ANXA8: variants seen among roughly 807,000 people sequenced by gnomAD.
The protein encoded by ANXA8 is annexin A8, also known as VAC-beta.
ANXA8 carries 9 observed loss-of-function variants against 26.8 expected under a neutral mutation model. The ratio of observed to expected loss-of-function variants is 0.34; its 90% CI spans 0.20 to 0.59. ANXA8 has a LOEUF of 0.59. Among genes scored for constraint, ANXA8 ranks in the 20% least tolerant of loss-of-function variants. The pLI is 0.84. For missense variants in ANXA8, 83 were observed against 238.5 expected, an observed-to-expected ratio of 0.35 and a Z score of 4.29; for synonymous variants, 39 against 94.8, an observed-to-expected ratio of 0.41 and a Z score of 3.42.
chr10:47,740,913 G>T, the ANXA8 span, among the ~76,000 whole-genome samples: 1 of 151,408 alleles, frequency 6.6e-6, no homozygotes, highest in Non-Finnish European at 1.5e-5. Flanking sequence ...TATTTAACTT[G>T]AGAAGAATCT....
At chr10:47,982,424 A>G in the ANXA8 span, among the ~76,000 whole-genome samples, 990 of 150,502 alleles carry the variant, frequency 6.6e-3, 1 homozygote, top group African/African-American at 0.023. Flanking sequence ...CTTCACATTT[A>G]TGGTTAACTG....
the ANXA8 span, among the ~76,000 whole-genome samples, chr10:47,696,992 C>A: frequency 2.3e-4 from 35 of 151,638 alleles, 1 homozygote; most frequent in Admixed American, 3.3e-4. Context: ...CTCCTGTCTA[C>A]CACTGCTAAG....
the ANXA8 span, among the ~76,000 whole-genome samples, chr10:47,960,549 G>T: frequency 6.7e-6 from 1 of 149,896 alleles, no homozygotes; most frequent in Non-Finnish European, 1.5e-5. Flanking sequence ...CTAAGAAGCT[G>T]GGGCAAGAGT....
chr10:47,748,433 A>G, the ANXA8 span, among the ~76,000 whole-genome samples: 1 of 151,818 alleles, frequency 6.6e-6, no homozygotes, highest in Non-Finnish European at 1.5e-5. Context: ...GGTTGGTCTC[A>G]AACTTCTGAC....
chr10:47,495,204 CA>C, the ANXA8 span, among the ~76,000 whole-genome samples: 3 of 148,764 alleles, frequency 2.0e-5, no homozygotes, highest in African/African-American at 7.6e-5. Context: ...AACAGAGAAA[CA>C]GAGAATTCCA....
At chr10:47,733,241 T>C in the ANXA8 span, among the ~76,000 whole-genome samples, 781 of 64,726 alleles carry the variant, frequency 0.012, 5 homozygotes, top group East Asian at 0.026. Context: ...CTCTCTTTCT[T>C]TCTTTCTTTC....
the ANXA8 span, among the ~76,000 whole-genome samples, chr10:47,688,088 C>A: frequency 1.5e-4 from 22 of 150,268 alleles, no homozygotes; most frequent in African/African-American, 5.4e-4. Context: ...GTGACAAGAG[C>A]AAAACTCTGT....
At chr10:47,736,926 A>G in the ANXA8 span, among the ~76,000 whole-genome samples, 1 of 151,818 alleles carries the variant, frequency 6.6e-6, no homozygotes, top group Admixed American at 6.6e-5. Context: ...AAGTACTGAG[A>G]CTACAGGTGT....
the ANXA8 span, among the ~76,000 whole-genome samples, chr10:47,674,541 T>C: frequency 1.3e-5 from 2 of 151,638 alleles, no homozygotes; most frequent in Non-Finnish European, 2.9e-5. Context: ...ATTTCTTTAC[T>C]ACAAAGTTAC....
At chr10:47,587,669 A>G in the ANXA8 span, among the ~76,000 whole-genome samples, 1 of 146,862 alleles carries the variant, frequency 6.8e-6, no homozygotes, top group South Asian at 2.1e-4. Flanking sequence ...TATCTTTCTT[A>G]CCTAATACAT....
At chr10:47,620,813 T>C in the ANXA8 span, among the ~76,000 whole-genome samples, 1 of 108,594 alleles carries the variant, frequency 9.2e-6, no homozygotes. Context: ...AGGTTTCCTG[T>C]TATCCACTCA....
chr10:47,778,046 C>A, the ANXA8 span, among the ~76,000 whole-genome samples: 2 of 152,018 alleles, frequency 1.3e-5, no homozygotes, highest in African/African-American at 4.8e-5. Flanking sequence ...GTAACACATG[C>A]CCCTTAAAAT....
chr10:47,720,203 A>G, the ANXA8 span: 15 of 951,820 alleles, frequency 1.6e-5, no homozygotes, highest in Non-Finnish European at 2.2e-5. Flanking sequence ...ATAGATAGCT[A>G]TTTATGGTAG....
chr10:47,617,382 C>G, the ANXA8 span, among the ~76,000 whole-genome samples: 4 of 147,242 alleles, frequency 2.7e-5, no homozygotes, highest in Non-Finnish European at 6.0e-5. Context: ...TGAGGCATAG[C>G]TGTCTGTTCC....
the ANXA8 span, among the ~76,000 whole-genome samples, chr10:47,552,758 G>C: frequency 2.0e-5 from 3 of 151,820 alleles, no homozygotes; most frequent in Non-Finnish European, 4.4e-5. Flanking sequence ...GCGGGGCAGG[G>C]TACCATTTCA....
At chr10:47,960,588 T>C in the ANXA8 span, among the ~76,000 whole-genome samples, 1 of 149,836 alleles carries the variant, frequency 6.7e-6, no homozygotes, top group Non-Finnish European at 1.5e-5. Context: ...ACATTTTACG[T>C]AAATTTTTAC....
the ANXA8 span, among the ~76,000 whole-genome samples, chr10:47,516,829 A>G: frequency 7.7e-6 from 1 of 129,556 alleles, no homozygotes; most frequent in Non-Finnish European, 1.5e-5. Flanking sequence ...AAATGAATAT[A>G]GTCAGAAAAT....
At chr10:47,617,526 G>T in the ANXA8 span, among the ~76,000 whole-genome samples, 1 of 146,958 alleles carries the variant, frequency 6.8e-6, no homozygotes, top group African/African-American at 2.6e-5. Context: ...GGAGGATGGG[G>T]TTCATTTAGA....
the ANXA8 span, among the ~76,000 whole-genome samples, chr10:47,932,691 G>GCTCTCT: frequency 0.037 from 3,255 of 87,838 alleles, 396 homozygotes; most frequent in Middle Eastern, 0.086. Context: ...CAAAGAGCAT[G>GCTCTCT]CTCTCTCTCT....
Sources: gnomAD v4.1 joint callset for allele counts (sites outside exome capture counted in the v4.1 genomes callset) on GRCh38, gnomAD v4.1.1 for gene constraint, MANE v1.5 for transcripts, NCBI Gene and HGNC (gene_info 2026-07-23, HGNC 2026-07-21) for gene names.